LRRC4C: variants seen among roughly 807,000 people sequenced by gnomAD.
LRRC4C encodes the protein leucine rich repeat containing 4C, also known as leucine-rich repeat-containing protein 4C.
In LRRC4C, 5 loss-of-function variants were observed where a neutral mutation model predicts 33.6. The observed-to-expected ratio is 0.15, with a 90% CI of 0.08 to 0.31. The LOEUF is 0.31. Among genes scored for constraint, LRRC4C ranks in the 10% least tolerant of loss-of-function variants. The pLI, the probability that LRRC4C is intolerant of heterozygous loss-of-function variation, is 1.00. For synonymous variants in LRRC4C, 329 were observed against 302.0 expected, an observed-to-expected ratio of 1.09 and a Z score of -0.93; for missense variants, 560 against 796.7, an observed-to-expected ratio of 0.70 and a Z score of 3.58.
chr11:40,541,131 G>A (rs908896394), intron 3 of LRRC4C, among the ~76,000 whole-genome samples: 3 of 152,106 alleles, frequency 2.0e-5, no homozygotes, highest in Non-Finnish European at 4.4e-5. Flanking sequence ...TTACAGAATG[G>A]CAGAAATTTA....
chr11:40,560,300 T>C (rs1161920576), intron 3 of LRRC4C, among the ~76,000 whole-genome samples: 5 of 152,122 alleles, frequency 3.3e-5, no homozygotes, highest in Non-Finnish European at 5.9e-5. Flanking sequence ...CACCAGGCAT[T>C]GATCTTCTCC....
intron 1 of LRRC4C, among the ~76,000 whole-genome samples, chr11:41,013,884 A>G (rs937912523): frequency 4.6e-5 from 7 of 152,104 alleles, no homozygotes; most frequent in African/African-American, 4.8e-5. Flanking sequence ...CCAGAACAAG[A>G]GGGAGAGAGA....
intron 3 of LRRC4C, among the ~76,000 whole-genome samples, chr11:40,470,338 A>C (rs1471442852): frequency 6.6e-6 from 1 of 152,224 alleles, no homozygotes; most frequent in African/African-American, 2.4e-5. Flanking sequence ...AATACCATCA[A>C]CATCAACAAA....
intron 2 of LRRC4C, among the ~76,000 whole-genome samples, chr11:40,847,131 C>CA (rs891135940): frequency 6.9e-4 from 1 of 1,454 alleles, no homozygotes; most frequent in South Asian, 0.022. Flanking sequence ...TATTTGAATA[C>CA]CTTTCTTTCT....
chr11:41,369,637 G>T (rs968287042), intron 1 of LRRC4C, among the ~76,000 whole-genome samples: 1 of 152,128 alleles, frequency 6.6e-6, no homozygotes, highest in African/African-American at 2.4e-5. Context: ...AAGTACATTA[G>T]TTTTGAGTAT....
chr11:41,038,106 G>A (rs1439608570), intron 1 of LRRC4C, among the ~76,000 whole-genome samples: 2 of 152,142 alleles, frequency 1.3e-5, no homozygotes, highest in South Asian at 2.1e-4. Context: ...GCTGCCATTC[G>A]TAACAATTCA....
chr11:40,476,330 AT>A (rs1266583389), intron 3 of LRRC4C, among the ~76,000 whole-genome samples: 6 of 101,750 alleles, frequency 5.9e-5, no homozygotes, highest in Non-Finnish European at 8.3e-5. Flanking sequence ...ATGAGTGCAC[AT>A]TTTTTTTCTT....
chr11:40,373,674 C>T (rs7111385), intron 3 of LRRC4C, among the ~76,000 whole-genome samples: 1,574 of 152,154 alleles, frequency 0.01, 22 homozygotes, highest in African/African-American at 0.037. Flanking sequence ...CACTCATGAA[C>T]GGCCTGGCAC....
intron 6 of LRRC4C, among the ~76,000 whole-genome samples, chr11:40,130,200 C>T (rs1272961648): frequency 6.6e-6 from 1 of 152,250 alleles, no homozygotes; most frequent in Non-Finnish European, 1.5e-5. Flanking sequence ...GCTCCATGTA[C>T]TGCTAGATAT....
intron 3 of LRRC4C, among the ~76,000 whole-genome samples, chr11:40,403,602 T>C (rs1949845239): frequency 6.6e-6 from 1 of 152,138 alleles, no homozygotes; most frequent in South Asian, 2.1e-4. Flanking sequence ...GAATCACAGA[T>C]TATTAGAACA....
At chr11:40,158,425 A>C (rs1858887030) in intron 5 of LRRC4C, among the ~76,000 whole-genome samples, 1 of 152,106 alleles carries the variant, frequency 6.6e-6, no homozygotes, top group Non-Finnish European at 1.5e-5. Context: ...AAATTTTAAA[A>C]ATTACATTTA....
At chr11:40,195,978 A>G (rs906951122) in intron 5 of LRRC4C, among the ~76,000 whole-genome samples, 2 of 152,208 alleles carry the variant, frequency 1.3e-5, no homozygotes, top group Non-Finnish European at 2.9e-5. Context: ...AAGTGAATGT[A>G]TATTCTGGCT....
chr11:40,685,376 A>G (rs1379413984), intron 2 of LRRC4C, among the ~76,000 whole-genome samples: 1 of 152,070 alleles, frequency 6.6e-6, no homozygotes. Flanking sequence ...TTTTTTTAAT[A>G]AAAAGTGAAT....
At chr11:40,804,830 T>A (rs991010157) in intron 2 of LRRC4C, among the ~76,000 whole-genome samples, 1 of 152,170 alleles carries the variant, frequency 6.6e-6, no homozygotes, top group Non-Finnish European at 1.5e-5. Flanking sequence ...AACATTTCCA[T>A]AAATAATTAG....
At chr11:40,826,614 A>G (rs1458439052) in intron 2 of LRRC4C, among the ~76,000 whole-genome samples, 2 of 151,988 alleles carry the variant, frequency 1.3e-5, no homozygotes, top group Non-Finnish European at 2.9e-5. Context: ...ATGAGACACT[A>G]GGAAGGGTAG....
chr11:40,921,022 C>T (rs545615670), intron 2 of LRRC4C, among the ~76,000 whole-genome samples: 33 of 151,084 alleles, frequency 2.2e-4, no homozygotes, highest in African/African-American at 5.1e-4. Flanking sequence ...CTGGGCTGAA[C>T]GGATCCTTGC....
chr11:41,286,070 T>C (rs990249682), intron 1 of LRRC4C, among the ~76,000 whole-genome samples: 11 of 151,994 alleles, frequency 7.2e-5, no homozygotes, highest in Non-Finnish European at 1.3e-4. Context: ...ACCTCGTGAT[T>C]CACCCACCTA....
At chr11:41,114,776 C>G (rs967555621) in intron 1 of LRRC4C, among the ~76,000 whole-genome samples, 1 of 152,048 alleles carries the variant, frequency 6.6e-6, no homozygotes, top group Admixed American at 6.6e-5. Flanking sequence ...CTTAGTTCAG[C>G]TACGTAACTG....
At chr11:40,795,699 G>A (rs934552718) in intron 2 of LRRC4C, among the ~76,000 whole-genome samples, 1 of 152,120 alleles carries the variant, frequency 6.6e-6, no homozygotes, top group East Asian at 1.9e-4. Flanking sequence ...TGTTTATTTT[G>A]AGGTAGTATT....
Sources: allele counts gnomAD v4.1 joint callset (sites outside exome capture counted in the v4.1 genomes callset), GRCh38; gene constraint gnomAD v4.1.1; transcripts MANE v1.5; gene names NCBI Gene and HGNC (gene_info 2026-07-23, HGNC 2026-07-21).